PPARG: variants seen among roughly 807,000 people sequenced by gnomAD.
PPARG encodes the protein peroxisome proliferator activated receptor gamma.
PPARG carries 17 observed loss-of-function variants against 39.2 expected under a neutral mutation model. The observed-to-expected ratio is 0.43, with a 90% CI of 0.30 to 0.65. PPARG has a LOEUF of 0.65. Among genes scored for constraint, PPARG ranks in the 30% least tolerant of loss-of-function variants. The pLI, the probability that PPARG is intolerant of heterozygous loss-of-function variation, is 0.13. For missense variants in PPARG, 406 were observed against 585.9 expected (o/e 0.69, Z 3.17); for synonymous variants, 223 against 215.7 (o/e 1.03, Z -0.30).
intron 7 of PPARG, among the ~76,000 whole-genome samples, chr3:12,422,455 C>T (rs1359194222): frequency 6.6e-6 from 1 of 152,196 alleles, no homozygotes; most frequent in Non-Finnish European, 1.5e-5. Flanking sequence ...AAAACTGGTG[C>T]ACTTAACCAT....
chr3:12,325,953 G>T (rs2047682640), intron 2 of PPARG, among the ~76,000 whole-genome samples: 1 of 152,028 alleles, frequency 6.6e-6, no homozygotes, highest in African/African-American at 2.4e-5. Context: ...TTTATAAAAA[G>T]AAATTATGTT....
Position 12,390,636 on chromosome 3 carries a change from C to CTTTTTTTTTTTTTTTTTTTTTTT in PPARG, c.391-1978_391-1977insTTTTTTTTTTTTTTTTTTTTTTT, listed in dbSNP as rs1382187854. ...GTATGTGATAAAGCTGTATTTTCTT[C>CTTTTTTTTTTTTTTTTTTTTTTT]CTTTTTTTTTTTTTTTTTTTTTGAG... On this transcript the variant is annotated intron_variant, in intron 4 of 7. Coordinates refer to ENST00000651735, the MANE Select transcript of PPARG (RefSeq NM_138711.6). Among the ~76,000 whole-genome samples the CTTTTTTTTTTTTTTTTTTTTTTT allele has an allele frequency of 2.9e-5, 2 of 69,186 alleles. 1 individual carries two copies. The highest frequency in any genetic ancestry group is 5.1e-5 in the Non-Finnish European group (2 of 38,862). The allele number at this position is 69,186 out of a possible 152,430, so 45.4% of individuals were successfully genotyped here.
chr3:12,293,069 A>C (rs1432279313), intron 1 of PPARG, among the ~76,000 whole-genome samples: 1 of 152,242 alleles, frequency 6.6e-6, no homozygotes, highest in African/African-American at 2.4e-5. Flanking sequence ...AGGCTTTCTC[A>C]GAGTCATTGC....
intron 2 of PPARG, among the ~76,000 whole-genome samples, chr3:12,342,464 T>C (rs925891157): frequency 6.6e-6 from 1 of 152,202 alleles, no homozygotes; most frequent in Non-Finnish European, 1.5e-5. Context: ...GAAATGTGAC[T>C]ATGGGCTGGG....
intron 6 of PPARG, chr3:12,406,945 A>T (rs2050695350): frequency 6.6e-6 from 1 of 152,248 alleles, no homozygotes; most frequent in Non-Finnish European, 1.5e-5. Flanking sequence ...GGACTCTCCA[A>T]CATCTGTTCA....
At chr3:12,354,882 C>T (rs2048610630) in intron 2 of PPARG, among the ~76,000 whole-genome samples, 1 of 152,152 alleles carries the variant, frequency 6.6e-6, no homozygotes, top group African/African-American at 2.4e-5. Context: ...GGGGCATCCG[C>T]ATGATCTCCT....
intron 1 of PPARG, among the ~76,000 whole-genome samples, chr3:12,307,092 C>A (rs1178273435): frequency 1.0e-5 from 1 of 95,770 alleles, no homozygotes; most frequent in African/African-American, 4.5e-5. Context: ...TGCAAGACTC[C>A]GTCTCAAAAA....
At chr3:12,313,410 A>G (rs2047304613) in intron 2 of PPARG, among the ~76,000 whole-genome samples, 1 of 152,196 alleles carries the variant, frequency 6.6e-6, no homozygotes, top group Non-Finnish European at 1.5e-5. Context: ...TCTGAACTTC[A>G]AAATGCTTTC....
At chr3:12,370,310 C>G (rs1319604085) in intron 2 of PPARG, among the ~76,000 whole-genome samples, 1 of 149,902 alleles carries the variant, frequency 6.7e-6, no homozygotes, top group Non-Finnish European at 1.5e-5. Context: ...TTTTTCCTGT[C>G]AGGAAGTACT....
At chr3:12,378,798 A>G (rs28783437) in intron 2 of PPARG, among the ~76,000 whole-genome samples, 15,547 of 152,130 alleles carry the variant, frequency 0.1, 2,603 homozygotes, top group African/African-American at 0.35. Context: ...GTGATACTGT[A>G]TGGTATATTT....
intron 2 of PPARG, among the ~76,000 whole-genome samples, chr3:12,330,302 T>TAAAAAAAAA (rs67976990): frequency 2.5e-5 from 3 of 121,064 alleles, no homozygotes; most frequent in African/African-American, 9.4e-5. Flanking sequence ...CACCTTTTTT[T>TAAAAAAAAA]AAAAAAAAAA....
intron 1 of PPARG, among the ~76,000 whole-genome samples, chr3:12,301,292 G>A (rs1381834939): frequency 6.6e-6 from 1 of 152,144 alleles, no homozygotes; most frequent in African/African-American, 2.4e-5. Context: ...ACCACAGTTG[G>A]AGAAAGGTTT....
chr3:12,330,378 C>T (rs1346697238), intron 2 of PPARG, among the ~76,000 whole-genome samples: 1 of 146,682 alleles, frequency 6.8e-6, no homozygotes, highest in Non-Finnish European at 1.5e-5. Flanking sequence ...TTGCATTTTC[C>T]TAATGGCTGC....
At chr3:12,380,336 A>G (rs908349707) in intron 3 of PPARG, among the ~76,000 whole-genome samples, 5 of 152,110 alleles carry the variant, frequency 3.3e-5, no homozygotes, top group African/African-American at 1.2e-4. Context: ...TCACTATATT[A>G]CTGCTACTAC....
chr3:12,417,888 C>CTTTTTTTTTTTTTTTTT (rs1240237792), intron 7 of PPARG, among the ~76,000 whole-genome samples: 5 of 64,050 alleles, frequency 7.8e-5, no homozygotes, highest in African/African-American at 3.0e-4. Flanking sequence ...TTTTTTTTTT[C>CTTTTTTTTTTTTTTTTT]TTTTTTTTTT....
At chr3:12,378,618 A>G (rs2049505365) in intron 2 of PPARG, among the ~76,000 whole-genome samples, 1 of 152,150 alleles carries the variant, frequency 6.6e-6, no homozygotes, top group Non-Finnish European at 1.5e-5. Flanking sequence ...GAATCTAAAA[A>G]AGTCGAACTC....
At chr3:12,369,322 T>G (rs928622718) in intron 2 of PPARG, among the ~76,000 whole-genome samples, 3 of 152,062 alleles carry the variant, frequency 2.0e-5, no homozygotes, top group African/African-American at 7.2e-5. Context: ...TGAAACCTCA[T>G]CAGTACAGAA....
chr3:12,293,012 G>A (rs1174373318), intron 1 of PPARG, among the ~76,000 whole-genome samples: 3 of 152,226 alleles, frequency 2.0e-5, no homozygotes, highest in Non-Finnish European at 2.9e-5. Context: ...GTCCCTGTCC[G>A]GGAGTGGGGA....
intron 2 of PPARG, among the ~76,000 whole-genome samples, chr3:12,320,870 C>A (rs1286163808): frequency 6.6e-6 from 1 of 152,084 alleles, no homozygotes; most frequent in Non-Finnish European, 1.5e-5. Context: ...CAGAGTGAGA[C>A]CCTGTCAAAG....
Sources: allele counts gnomAD v4.1 joint callset (sites outside exome capture counted in the v4.1 genomes callset), GRCh38; gene constraint gnomAD v4.1.1; transcripts MANE v1.5; gene names NCBI Gene and HGNC (gene_info 2026-07-23, HGNC 2026-07-21).